The following ZNF248 variants were observed in gnomAD, a reference collection of about 807,000 sequenced individuals.
The protein encoded by ZNF248 is KRAB protein domain.
Under a neutral mutation model 44.3 loss-of-function variants are expected in ZNF248, and 20 were observed. The ratio of observed to expected loss-of-function variants is 0.45; its 90% confidence interval spans 0.32 to 0.66. ZNF248 has a LOEUF of 0.66. Ranked by LOEUF, ZNF248 falls within the 30% of genes least tolerant of loss-of-function variation. The pLI is 0.04. For missense variants in ZNF248, 654 were observed against 677.0 expected, an observed-to-expected ratio of 0.97 and a Z score of 0.38; for synonymous variants, 224 against 229.0, an observed-to-expected ratio of 0.98 and a Z score of 0.20.
At chr10:37,804,629 G>T (rs919428136) in intron 6 of ZNF248, among the ~76,000 whole-genome samples, 1 of 152,128 alleles carries the variant, frequency 6.6e-6, no homozygotes, top group African/African-American at 2.4e-5. Flanking sequence ...TAGAGACAAG[G>T]TCTTGCCATG....
At chr10:37,785,805 G>A (rs1207265017) in intron 6 of ZNF248, among the ~76,000 whole-genome samples, 2 of 152,180 alleles carry the variant, frequency 1.3e-5, no homozygotes, top group Non-Finnish European at 2.9e-5. Flanking sequence ...GTGAGCTAAG[G>A]TAATACCCAG....
intron 6 of ZNF248, among the ~76,000 whole-genome samples, chr10:37,807,996 T>C (rs1589279098): frequency 5.3e-5 from 8 of 152,306 alleles, no homozygotes; most frequent in Admixed American, 5.2e-4. Context: ...TTTTATTACA[T>C]TGACGTAGTT....
chr10:37,816,727 G>C (rs1277133199), intron 6 of ZNF248, among the ~76,000 whole-genome samples: 1 of 152,120 alleles, frequency 6.6e-6, no homozygotes, highest in Non-Finnish European at 1.5e-5. Context: ...CATTAGCAGA[G>C]TTTTTGACCT....
Position 37,815,533 on chromosome 10 carries a change from T to C in ZNF248, c.330+17492A>G, listed in dbSNP as rs183161343. On this transcript the variant is annotated intron_variant, in intron 6 of 6. Coordinates refer to the ZNF248 transcript ENST00000615949. ...ATTGATGTTTCCATTTTGTTTATAG[T>C]TTTCTTGACTTTGTCCACATTATCT... is the stretch of plus-strand genomic sequence containing the variant. Among the ~76,000 whole-genome samples, 4 of 152,218 alleles carry C rather than the reference T, an allele frequency of 2.6e-5. No homozygotes were observed. The East Asian group carries it at 7.7e-4, about 29-fold the overall frequency.
chr10:37,787,391 A>G (rs2048006989), intron 6 of ZNF248, among the ~76,000 whole-genome samples: 1 of 152,186 alleles, frequency 6.6e-6, no homozygotes, highest in South Asian at 2.1e-4. Flanking sequence ...GAACACATAG[A>G]TAATGGAAAT....
downstream of ZNF248, among the ~76,000 whole-genome samples, chr10:37,825,147 T>C (rs117157036): frequency 7.7e-3 from 1,165 of 152,208 alleles, 4 homozygotes; most frequent in Admixed American, 0.014. Flanking sequence ...TCTAAAAAGG[T>C]AAACTATATA....
downstream of ZNF248, among the ~76,000 whole-genome samples, chr10:37,823,826 G>A (rs1049833331): frequency 3.3e-5 from 5 of 151,856 alleles, no homozygotes; most frequent in Admixed American, 6.6e-5. Context: ...CACCCACCTC[G>A]GCCTCCCAAA....
intron 6 of ZNF248, among the ~76,000 whole-genome samples, chr10:37,812,594 A>C (rs951383518): frequency 6.6e-5 from 10 of 152,182 alleles, no homozygotes; most frequent in Non-Finnish European, 1.3e-4. Flanking sequence ...AAGTCAGGAC[A>C]TACCTTTCTA....
chr10:37,832,237 G>C lies in ZNF248; in HGVS notation c.1118C>G (p.Ala373Gly). Reference protein sequence around the residue: ...KKSHLTQLRRAHTGEKTFECG... With the variant: ...KKSHLTQLRRGHTGEKTFECG... Reference sequence around the variant, plus strand: ...TTCAAAGGTTTTTTCTCCTGTGTGAGCTCTCCGAAGCTGGGTAAGATGTGA... The same window carrying C: ...TTCAAAGGTTTTTTCTCCTGTGTGACCTCTCCGAAGCTGGGTAAGATGTGA... The change falls in exon 6 of 6, where the codon GCT becomes GGT. Residue 373 changes from alanine (A) to glycine (G), a missense_variant. By Grantham distance (60) the Ala-to-Gly change is moderately conservative. Transcript: ENST00000395867. The C allele has an allele frequency of 6.2e-7, 1 of 1,613,988 alleles. No homozygotes were observed. The highest frequency in any genetic ancestry group is 8.5e-7 in the Non-Finnish European group (1 of 1,179,938).
intron 6 of ZNF248, among the ~76,000 whole-genome samples, chr10:37,797,740 C>CA (rs2049323948): frequency 6.6e-6 from 1 of 152,078 alleles, no homozygotes; most frequent in Non-Finnish European, 1.5e-5. Flanking sequence ...AAAATCAACT[C>CA]AAAATCACAA....
intron 6 of ZNF248, chr10:37,820,849 G>T (rs2133619388): frequency 8.3e-7 from 1 of 1,200,720 alleles, no homozygotes; most frequent in Non-Finnish European, 1.2e-6. Flanking sequence ...ATTCTGTTTT[G>T]CATGTATTTA....
At chr10:37,784,441 G>A (rs1589038192) in intron 6 of ZNF248, among the ~76,000 whole-genome samples, 1 of 152,216 alleles carries the variant, frequency 6.6e-6, no homozygotes, top group African/African-American at 2.4e-5. Flanking sequence ...TAAGGCCACT[G>A]ATGCCAATTA....
At chr10:37,769,404 C>T in the ZNF248 span, among the ~76,000 whole-genome samples, 1 of 152,132 alleles carries the variant, frequency 6.6e-6, no homozygotes, top group African/African-American at 2.4e-5. Flanking sequence ...TCCAGCAGCA[C>T]ATCAAAAAGC....
chr10:37,798,365 T>C (rs982182401), intron 6 of ZNF248, among the ~76,000 whole-genome samples: 1 of 152,102 alleles, frequency 6.6e-6, no homozygotes, highest in Non-Finnish European at 1.5e-5. Flanking sequence ...GGAATTCAGA[T>C]AGGAGTGATG....
chr10:37,811,509 C>T (rs114910712), intron 6 of ZNF248, among the ~76,000 whole-genome samples: 114 of 151,840 alleles, frequency 7.5e-4, no homozygotes, highest in African/African-American at 2.7e-3. Context: ...CAGCAAAGAA[C>T]GGCTTGATAG....
At chr10:37,780,669 C>CA (rs757230407) in intron 6 of ZNF248, among the ~76,000 whole-genome samples, 1 of 152,166 alleles carries the variant, frequency 6.6e-6, no homozygotes, top group Non-Finnish European at 1.5e-5. Context: ...CGCGCCCTTC[C>CA]AGGGCCAAGG....
At chr10:37,825,722 T>C (rs970990985), downstream of ZNF248, among the ~76,000 whole-genome samples, 1 of 152,246 alleles carries the variant, frequency 6.6e-6, no homozygotes, top group Non-Finnish European at 1.5e-5. Flanking sequence ...ATTAGAGGCA[T>C]GAGCCACCCC....
chr10:37,822,566 ATATT>A (rs1165494527), intron 6 of ZNF248, among the ~76,000 whole-genome samples: 16 of 152,112 alleles, frequency 1.1e-4, no homozygotes, highest in Admixed American at 3.9e-4. Context: ...TGGTAAATAT[ATATT>A]TATTAAATAC....
intron 6 of ZNF248, among the ~76,000 whole-genome samples, chr10:37,781,755 C>T (rs1310953912): frequency 6.6e-6 from 1 of 152,170 alleles, no homozygotes; most frequent in Admixed American, 6.5e-5. Flanking sequence ...ACATTTGTAG[C>T]TCTAAAGGCT....
Sources: allele counts gnomAD v4.1 joint callset (sites outside exome capture counted in the v4.1 genomes callset), GRCh38; gene constraint gnomAD v4.1.1; transcripts MANE v1.5; gene names NCBI Gene and HGNC (gene_info 2026-07-23, HGNC 2026-07-21).